ZNF469: variants seen among roughly 807,000 people sequenced by gnomAD.
ZNF469 encodes the protein zinc finger protein 469.
ZNF469 carries 1 observed loss-of-function variant against 1.0 expected under a neutral mutation model. The ratio of observed to expected loss-of-function variants is 1.00; its 90% CI spans 0.35 to 4.73. The LOEUF is 4.73. Ranked by LOEUF, ZNF469 falls within the 30% of genes most tolerant of loss-of-function variation. ZNF469 has a pLI of 0.16. For missense variants in ZNF469, 6,100 were observed against 5,356.3 expected (o/e 1.14, Z -4.33); for synonymous variants, 2,703 against 2,363.4 (o/e 1.14, Z -4.17).
chr16:88,386,364 G>A (rs1218658925), intron 1 of ZNF469, among the ~76,000 whole-genome samples: 2 of 151,992 alleles, frequency 1.3e-5, no homozygotes, highest in African/African-American at 4.8e-5. Flanking sequence ...CCCGCCTCCT[G>A]CCCGGGACCC....
Position 88,438,747 on chromosome 16 carries a change from C to T in ZNF469, c.11277C>T (p.Ser3759=), listed in dbSNP as rs372634401. 9.3e-4 allele frequency: 1,438 copies of T among 1,550,034 alleles called. 19 individuals carry two copies. In the African/African-American group the frequency reaches 0.016, roughly 17 times the overall value. ...AGCCAGCCAGCGGGCAGCTCCAGAG[C>T]GAGACAGCCACCACCCCAGCCAAGC... The part of the protein sequence containing the change: ...QPQPASGQLQ[S]ETATTPAKPS... Residue 3759 remains serine (S), a synonymous_variant, in exon 3 of 3, where the codon AGC becomes AGT. Coordinates refer to ENST00000565624, the MANE Select transcript of ZNF469 (RefSeq NM_001367624.2).
At chr16:88,322,822 G>T in the ZNF469 span, among the ~76,000 whole-genome samples, 100 of 152,188 alleles carry the variant, frequency 6.6e-4, 1 homozygote, top group Non-Finnish European at 1.3e-3. Flanking sequence ...AATGGACTTG[G>T]CCCAGGACTT....
chr16:88,420,542 C>T (rs960237618), intron 1 of ZNF469, among the ~76,000 whole-genome samples: 4 of 152,182 alleles, frequency 2.6e-5, no homozygotes, highest in Non-Finnish European at 5.9e-5. Context: ...GGCTCCCAGG[C>T]CTGGTCCCCA....
chr16:88,414,819 G>T (rs1368731332), intron 1 of ZNF469, among the ~76,000 whole-genome samples: 1 of 152,234 alleles, frequency 6.6e-6, no homozygotes, highest in Admixed American at 6.5e-5. Context: ...GGACAGCCCC[G>T]CCCAGACGTC....
At chr16:88,229,901 G>A in the ZNF469 span, among the ~76,000 whole-genome samples, 1 of 152,278 alleles carries the variant, frequency 6.6e-6, no homozygotes, top group African/African-American at 2.4e-5. Context: ...TCTCCCAGGG[G>A]CACGGGGCCA....
chr16:88,426,341 A>G (rs191752229), intron 2 of ZNF469, among the ~76,000 whole-genome samples: 1 of 152,356 alleles, frequency 6.6e-6, no homozygotes, highest in East Asian at 1.9e-4. Context: ...TCTGCTGTGT[A>G]AAGGACGCCC....
intron 1 of ZNF469, among the ~76,000 whole-genome samples, chr16:88,385,499 C>T (rs1003650308): frequency 1.3e-5 from 2 of 151,924 alleles, no homozygotes; most frequent in Non-Finnish European, 2.9e-5. Flanking sequence ...GTAAGTTAGC[C>T]AGGCATGGTA....
At chr16:88,167,108 C>T in the ZNF469 span, among the ~76,000 whole-genome samples, 1 of 134,852 alleles carries the variant, frequency 7.4e-6, no homozygotes, top group African/African-American at 2.8e-5. Context: ...GTCCTCCAGG[C>T]TGGAGTGCAG....
At chr16:88,331,899 C>T in the ZNF469 span, among the ~76,000 whole-genome samples, 1 of 152,154 alleles carries the variant, frequency 6.6e-6, no homozygotes, top group Admixed American at 6.5e-5. Flanking sequence ...ACCCATGAGT[C>T]CTGGAAGCTC....
chr16:88,279,816 G>C, the ZNF469 span, among the ~76,000 whole-genome samples: 1 of 147,926 alleles, frequency 6.8e-6, no homozygotes, highest in Non-Finnish European at 1.5e-5. Flanking sequence ...TCAGTACCTT[G>C]TAGATATCAG....
the ZNF469 span, among the ~76,000 whole-genome samples, chr16:88,106,564 C>A: frequency 6.6e-6 from 1 of 152,274 alleles, no homozygotes; most frequent in African/African-American, 2.4e-5. Flanking sequence ...GCCCACGTGT[C>A]TAGGCCAACC....
At chr16:88,385,590 T>C (rs1220056518) in intron 1 of ZNF469, among the ~76,000 whole-genome samples, 3 of 149,664 alleles carry the variant, frequency 2.0e-5, no homozygotes. Flanking sequence ...CTGCAGTTAA[T>C]GATGATCGTG....
At chr16:88,107,454 C>T in the ZNF469 span, among the ~76,000 whole-genome samples, 1 of 152,220 alleles carries the variant, frequency 6.6e-6, no homozygotes, top group South Asian at 2.1e-4. Context: ...ATGAGAACAG[C>T]ATGGAGGAAC....
the ZNF469 span, among the ~76,000 whole-genome samples, chr16:88,236,396 A>G: frequency 6.6e-6 from 1 of 152,268 alleles, no homozygotes; most frequent in Admixed American, 6.5e-5. Flanking sequence ...GTCAGTCTTA[A>G]AGTCTCAGTT....
chr16:88,294,463 C>T, the ZNF469 span, among the ~76,000 whole-genome samples: 1 of 152,234 alleles, frequency 6.6e-6, no homozygotes, highest in African/African-American at 2.4e-5. Flanking sequence ...ATCCACATGG[C>T]ACTTTGCTGG....
At chr16:88,357,448 G>A in the ZNF469 span, among the ~76,000 whole-genome samples, 3 of 152,180 alleles carry the variant, frequency 2.0e-5, no homozygotes, top group Non-Finnish European at 4.4e-5. Context: ...GTAGGTTCGA[G>A]TCTCATCCCG....
At chr16:88,164,444 G>C in the ZNF469 span, among the ~76,000 whole-genome samples, 1 of 151,708 alleles carries the variant, frequency 6.6e-6, no homozygotes, top group Admixed American at 6.6e-5. Context: ...TGGATGAATG[G>C]ATGCACGGAT....
At chr16:88,319,596 G>A in the ZNF469 span, among the ~76,000 whole-genome samples, 1 of 152,152 alleles carries the variant, frequency 6.6e-6, no homozygotes, top group African/African-American at 2.4e-5. Flanking sequence ...CCCTCCTAGG[G>A]CCTCAGGTAG....
At chr16:88,113,213 A>C in the ZNF469 span, among the ~76,000 whole-genome samples, 1 of 152,144 alleles carries the variant, frequency 6.6e-6, no homozygotes, top group African/African-American at 2.4e-5. Flanking sequence ...GTTTTCTTGT[A>C]GTAGTTTCAT....
Sources: allele counts gnomAD v4.1 joint callset (sites outside exome capture counted in the v4.1 genomes callset), GRCh38; gene constraint gnomAD v4.1.1; transcripts MANE v1.5; gene names NCBI Gene and HGNC (gene_info 2026-07-23, HGNC 2026-07-21).